PLEKHG1: variants seen among roughly 807,000 people sequenced by gnomAD.
PLEKHG1 encodes the protein pleckstrin homology and RhoGEF domain containing G1.
Under a neutral mutation model 100.8 loss-of-function variants are expected in PLEKHG1, and 44 were observed. The observed-to-expected ratio is 0.44, with a 90% CI of 0.34 to 0.56. PLEKHG1 has a LOEUF of 0.56. Among genes scored for constraint, PLEKHG1 ranks in the 20% least tolerant of loss-of-function variants. The pLI is 0.01. For synonymous variants in PLEKHG1, 640 were observed against 662.5 expected, an observed-to-expected ratio of 0.97 and a Z score of 0.52; for missense variants, 1,545 against 1,720.9, an observed-to-expected ratio of 0.90 and a Z score of 1.81.
chr6:150,772,935 A>G (rs1259705543), intron 3 of PLEKHG1, among the ~76,000 whole-genome samples: 1 of 152,186 alleles, frequency 6.6e-6, no homozygotes, highest in Admixed American at 6.5e-5. Flanking sequence ...TTTGCAGATT[A>G]TGTGAGATGT....
chr6:150,805,967 TA>T (rs1418516989), intron 7 of PLEKHG1, among the ~76,000 whole-genome samples: 1 of 152,136 alleles, frequency 6.6e-6, no homozygotes, highest in Non-Finnish European at 1.5e-5. Flanking sequence ...GATGCACTAT[TA>T]AAAACAAAAC....
At chr6:150,824,146 A>G (rs952450593) in intron 14 of PLEKHG1, among the ~76,000 whole-genome samples, 1 of 152,250 alleles carries the variant, frequency 6.6e-6, no homozygotes, top group Non-Finnish European at 1.5e-5. Flanking sequence ...GTGATGGCGT[A>G]TGATCGAATG....
exon 16 of PLEKHG1, chr6:150,840,947 G>A (rs756946258): frequency 1.2e-5 from 16 of 1,366,274 alleles, no homozygotes; most frequent in Middle Eastern, 3.6e-4. Flanking sequence ...CTCATAAAAC[G>A]TTACAGATAC....
At chr6:150,782,220 C>A (rs937144976) in intron 3 of PLEKHG1, among the ~76,000 whole-genome samples, 7 of 151,982 alleles carry the variant, frequency 4.6e-5, no homozygotes, top group Admixed American at 6.6e-5. Flanking sequence ...GAGTTCAAGA[C>A]CAGCCCAGCC....
chr6:150,795,025 A>G (rs1314308357), intron 4 of PLEKHG1, among the ~76,000 whole-genome samples: 1 of 151,808 alleles, frequency 6.6e-6, no homozygotes, highest in Admixed American at 6.6e-5. Flanking sequence ...TCTAAAAAGT[A>G]AAAGTAAAAG....
At chr6:150,693,225 T>A (rs1780412805) in intron 3 of PLEKHG1, among the ~76,000 whole-genome samples, 1 of 151,864 alleles carries the variant, frequency 6.6e-6, no homozygotes, top group African/African-American at 2.4e-5. Context: ...GAGGCGGAGG[T>A]TGCAGTGAGC....
At chr6:150,805,408 C>A (rs1370315207) in intron 7 of PLEKHG1, among the ~76,000 whole-genome samples, 1 of 152,156 alleles carries the variant, frequency 6.6e-6, no homozygotes, top group Non-Finnish European at 1.5e-5. Flanking sequence ...CCAGTTCCTG[C>A]AAAATCATGA....
At chr6:150,738,121 G>C (rs373580407) in intron 2 of PLEKHG1, among the ~76,000 whole-genome samples, 9 of 152,110 alleles carry the variant, frequency 5.9e-5, no homozygotes, top group South Asian at 2.1e-4. Flanking sequence ...GCCTTAGCTG[G>C]CTCTTTCCAA....
chr6:150,810,942 A>C (rs1323875290), intron 10 of PLEKHG1, among the ~76,000 whole-genome samples: 9 of 151,954 alleles, frequency 5.9e-5, no homozygotes, highest in African/African-American at 1.9e-4. Context: ...AAAAAGATTC[A>C]CATGAATTGC....
At chr6:150,734,017 C>G (rs761175250) in exon 2 of PLEKHG1, 3 of 1,614,160 alleles carry the variant, frequency 1.9e-6, no homozygotes, top group Admixed American at 3.3e-5. Context: ...CCAAGCTCCT[C>G]TATGTGGATA....
At chr6:150,812,068 CAG>C (rs1001814116) in intron 10 of PLEKHG1, among the ~76,000 whole-genome samples, 5 of 152,090 alleles carry the variant, frequency 3.3e-5, no homozygotes, top group Non-Finnish European at 7.3e-5. Flanking sequence ...AAGGCTGAGT[CAG>C]GGGTTGAAGG....
At position 150,831,145 on chromosome 6, in the gene PLEKHG1, A is replaced by G. The variant is rs1188355874; in HGVS notation, c.2034A>G (p.Glu678=). The G allele has an allele frequency of 3.7e-6, 6 of 1,613,928 alleles. No individual in the cohort carries two copies. The highest frequency in any genetic ancestry group is 5.1e-6 in the Non-Finnish European group (6 of 1,179,838). The change falls in exon 15 of 16, where the codon GAA becomes GAG. Residue 678 remains glutamate (E), a synonymous_variant. Transcript: ENST00000358517. The surrounding 1 kb of genome is among the most constrained non-coding windows in gnomAD (Gnocchi z 4.1). ...AACTAATGGTTGCTAAGCGGGAAGA[A>G]GCTGAATCCACTCCCTCTAAATCAG...
chr6:150,819,836 T>G (rs1362452820), intron 12 of PLEKHG1, 62 bp downstream of exon 13: 3 of 916,316 alleles, frequency 3.3e-6, no homozygotes, highest in East Asian at 4.8e-5. Context: ...AAAGTCCCTT[T>G]GAGTCTGACA....
intron 2 of PLEKHG1, among the ~76,000 whole-genome samples, chr6:150,743,382 C>T (rs187887556): frequency 3.9e-5 from 6 of 152,170 alleles, no homozygotes; most frequent in Non-Finnish European, 5.9e-5. Context: ...AAAAATTAGC[C>T]GGAAGTGGTG....
At chr6:150,710,935 A>G (rs1781220790) in intron 3 of PLEKHG1, among the ~76,000 whole-genome samples, 1 of 152,082 alleles carries the variant, frequency 6.6e-6, no homozygotes, top group Non-Finnish European at 1.5e-5. Context: ...TTCCCAGCCC[A>G]GTGTGCACGT....
chr6:150,743,702 C>A (rs1316452277), intron 2 of PLEKHG1, among the ~76,000 whole-genome samples: 1 of 152,208 alleles, frequency 6.6e-6, no homozygotes, highest in Non-Finnish European at 1.5e-5. Context: ...TATGTCTCCA[C>A]CCCTATTCCC....
intron 3 of PLEKHG1, among the ~76,000 whole-genome samples, chr6:150,698,168 A>G (rs928345406): frequency 3.3e-5 from 5 of 152,208 alleles, no homozygotes; most frequent in African/African-American, 9.6e-5. Context: ...GGTTTCCTAT[A>G]TACCTCATTC....
intron 1 of PLEKHG1, among the ~76,000 whole-genome samples, chr6:150,630,890 T>C (rs1777720950): frequency 6.6e-6 from 1 of 152,074 alleles, no homozygotes; most frequent in African/African-American, 2.4e-5. Flanking sequence ...AGCCCATGGC[T>C]TTCCAGAAGC....
intron 2 of PLEKHG1, among the ~76,000 whole-genome samples, chr6:150,755,486 T>A (rs1783785363): frequency 1.3e-5 from 2 of 152,170 alleles, no homozygotes; most frequent in Non-Finnish European, 2.9e-5. Flanking sequence ...AAGGCTCCAA[T>A]CTGACCTACC....
Sources: gnomAD v4.1 joint callset for allele counts (sites outside exome capture counted in the v4.1 genomes callset) on GRCh38, gnomAD v4.1.1 for gene constraint, Gnocchi (gnomAD v3.1) non-coding constraint, MANE v1.5 for transcripts, NCBI Gene and HGNC (gene_info 2026-07-23, HGNC 2026-07-21) for gene names.